Variants in TBC1D9 observed in about 807,000 individuals in gnomAD.
TBC1D9 encodes the protein TBC1 domain family member 9.
TBC1D9 carries 63 observed loss-of-function variants against 132.0 expected under a neutral mutation model. The ratio of observed to expected loss-of-function variants is 0.48; its 90% CI spans 0.39 to 0.59. The LOEUF (loss-of-function observed/expected upper bound fraction) is 0.59. Among genes scored for constraint, TBC1D9 ranks in the 20% least tolerant of loss-of-function variants. TBC1D9 has a pLI of 0.00. For missense variants in TBC1D9, 1,261 were observed against 1,592.7 expected, an observed-to-expected ratio of 0.79 and a Z score of 3.54; for synonymous variants, 610 against 609.9, an observed-to-expected ratio of 1.00 and a Z score of 0.00.
intron 15 of TBC1D9, among the ~76,000 whole-genome samples, chr4:140,636,377 C>T (rs1417003211): frequency 6.6e-6 from 1 of 151,982 alleles, no homozygotes; most frequent in Non-Finnish European, 1.5e-5. Context: ...CAGAAAAATA[C>T]CCAGAAATCG....
Position 140,657,682 on chromosome 4 carries a change from A to G in TBC1D9, c.2052T>C (p.Ser684=), listed in dbSNP as rs1192342268. The change falls in exon 12 of 21, where the codon AGT becomes AGC. Residue 684 remains serine, a synonymous_variant. Transcript: ENST00000442267. The part of the protein sequence containing the change: ...SLSWFLTLFL[S]VMPFESAVVV... ...CAACTGCACTCTCAAAAGGCATCACACTGAGAAATAGTGTGAGGAACCAAG... is the reference window on the plus strand; with the variant it reads ...CAACTGCACTCTCAAAAGGCATCACGCTGAGAAATAGTGTGAGGAACCAAG... 1.2e-6 allele frequency: 2 copies of G among 1,614,020 alleles called. No homozygotes were observed. The highest frequency in any genetic ancestry group is 1.7e-6 in the Non-Finnish European group (2 of 1,179,894).
At chr4:140,687,477 C>T (rs548034623) in intron 2 of TBC1D9, among the ~76,000 whole-genome samples, 14 of 148,146 alleles carry the variant, frequency 9.5e-5, no homozygotes, top group South Asian at 6.5e-4. Context: ...GATTCTCCTT[C>T]GATTTCCAAG....
chr4:140,727,832 A>G lies in TBC1D9; in HGVS notation c.131-26218T>C, dbSNP rs543764447. ...AAAAAAAAAAAGGGGTGGGAATGGC[A>G]TAACACCCATCAAAGTACTACCTGC... is the stretch of plus-strand genomic sequence containing the variant. On this transcript the variant is annotated intron_variant, in intron 1 of 20. Transcript: ENST00000442267. 2.9e-4 allele frequency among the ~76,000 whole-genome samples: 44 copies of G among 152,156 alleles called. 1 individual carries two copies. In the South Asian group the frequency reaches 8.7e-3, roughly 30 times the overall value.
chr4:140,646,582 C>T (rs1014422360), intron 13 of TBC1D9, among the ~76,000 whole-genome samples: 1 of 152,132 alleles, frequency 6.6e-6, no homozygotes, highest in Non-Finnish European at 1.5e-5. Context: ...TCTAAACTAT[C>T]CTATTTCCTA....
chr4:140,704,830 A>G (rs13146721), intron 1 of TBC1D9, among the ~76,000 whole-genome samples: 131,928 of 152,186 alleles, frequency 0.87, 57,329 homozygotes, highest in East Asian at 0.94. Context: ...CTTAAAGCAG[A>G]GCCCCCTGGA....
intron 20 of TBC1D9, 90 bp from the exon 21 acceptor site, chr4:140,623,007 A>G: frequency 7.1e-7 from 1 of 1,399,240 alleles, no homozygotes; most frequent in Non-Finnish European, 9.3e-7. Flanking sequence ...TTAAATGAGA[A>G]CGCCTAAAGA....
chr4:140,661,059 CACCT>C (rs1737351499), intron 10 of TBC1D9, among the ~76,000 whole-genome samples: 1 of 152,082 alleles, frequency 6.6e-6, no homozygotes, highest in African/African-American at 2.4e-5. Context: ...GGACTACAGG[CACCT>C]GCCACCACGC....
intron 13 of TBC1D9, among the ~76,000 whole-genome samples, chr4:140,641,149 T>C (rs1736987407): frequency 6.7e-6 from 1 of 149,266 alleles, no homozygotes; most frequent in South Asian, 2.1e-4. Flanking sequence ...GAGATTCCAT[T>C]TGTATCAAGT....
chr4:140,683,210 T>G (rs1275854600), intron 3 of TBC1D9, among the ~76,000 whole-genome samples: 1 of 152,138 alleles, frequency 6.6e-6, no homozygotes, highest in Non-Finnish European at 1.5e-5. Context: ...AAAATGCTTT[T>G]ATATATGAGA....
chr4:140,732,781 T>C (rs1738615069), intron 1 of TBC1D9, among the ~76,000 whole-genome samples: 1 of 152,176 alleles, frequency 6.6e-6, no homozygotes, highest in South Asian at 2.1e-4. Context: ...AGGGTGATTA[T>C]TTGAATCAGT....
Position 140,678,811 on chromosome 4 carries a change from T to C in TBC1D9, c.851+131A>G, listed in dbSNP as rs1010327592. ...CTGGTAGCACCTCAGCTAGTCTTTT[T>C]TAGTTTTGTATCTATACACAGAAGA... On this transcript the variant is annotated intron_variant, in intron 5 of 20. Transcript: ENST00000442267. 5.2e-6 allele frequency: 6 copies of C among 1,143,222 alleles called. No homozygotes were observed. In the African/African-American group the frequency reaches 9.3e-5, roughly 18 times the overall value. The allele number at this position is 1,143,222 out of a possible 1,614,324, so 70.8% of individuals were successfully genotyped here.
intron 9 of TBC1D9, among the ~76,000 whole-genome samples, chr4:140,666,026 A>G (rs985850777): frequency 8.5e-5 from 13 of 152,186 alleles, no homozygotes; most frequent in Non-Finnish European, 1.5e-4. Context: ...AGCATTATTC[A>G]TAGGAACCAA....
At position 140,624,294 on chromosome 4, in the gene TBC1D9, A is replaced by G; in HGVS notation, c.2974+20T>C. The stretch of plus-strand genomic sequence containing the variant: ...GTACAACCAGCAAGAAGGTAAACAT[A>G]TAGAAGAGAATATCCTTACCTTTGT... On this transcript the variant is annotated intron_variant, in intron 19 of 20. Transcript: ENST00000442267. 5 of 1,613,240 alleles carry G rather than the reference A, an allele frequency of 3.1e-6. No homozygotes were observed. The highest frequency in any genetic ancestry group is 2.2e-5 in the East Asian group (1 of 44,876).
chr4:140,683,505 T>C (rs1737737221), intron 3 of TBC1D9, among the ~76,000 whole-genome samples: 1 of 152,208 alleles, frequency 6.6e-6, no homozygotes. Context: ...TAATATAAAA[T>C]AGGTCATTCC....
Position 140,669,055 on chromosome 4 carries a change from G to A in TBC1D9, c.1450C>T (p.Leu484=), listed in dbSNP as rs544477441. The change falls in exon 9 of 21, where the codon CTG becomes TTG. Residue 484 remains leucine (L), a synonymous_variant. Coordinates refer to ENST00000442267, the MANE Select transcript of TBC1D9 (RefSeq NM_015130.3). Reference sequence around the variant, plus strand: ...TGAATCTTCCAGGCTTGCTCTTTCAGAAACTCTTTGGCCTGAAAGGGATAA... The same window carrying A: ...TGAATCTTCCAGGCTTGCTCTTTCAAAAACTCTTTGGCCTGAAAGGGATAA... ...EFNPKLAKEF[L]KEQAWKIHFA... 6.2e-7 allele frequency: 1 copy of A among 1,613,994 alleles called. No individual in the cohort carries two copies. Among genetic ancestry groups the A allele is most frequent in the Admixed American group, 1.7e-5 (1 of 60,024 alleles).
At chr4:140,709,288 A>ACACC (rs1491197983) in intron 1 of TBC1D9, among the ~76,000 whole-genome samples, 3 of 136,120 alleles carry the variant, frequency 2.2e-5, no homozygotes, top group South Asian at 2.4e-4. Context: ...ACACACACAC[A>ACACC]CCCCAATTCA....
intron 1 of TBC1D9, among the ~76,000 whole-genome samples, chr4:140,719,315 A>G (rs891659950): frequency 3.3e-5 from 5 of 152,178 alleles, no homozygotes; most frequent in Admixed American, 3.3e-4. Flanking sequence ...AACAGATGAC[A>G]TACTGTGTAT....
intron 1 of TBC1D9, among the ~76,000 whole-genome samples, chr4:140,710,925 T>C (rs1054769383): frequency 4.6e-5 from 7 of 152,212 alleles, no homozygotes; most frequent in African/African-American, 1.7e-4. Flanking sequence ...CCAGCGCTTT[T>C]CTAAGTGTAG....
At chr4:140,747,793 C>T (rs1738860725) in intron 1 of TBC1D9, among the ~76,000 whole-genome samples, 1 of 152,142 alleles carries the variant, frequency 6.6e-6, no homozygotes, top group African/African-American at 2.4e-5. Context: ...AATGATGCCA[C>T]CCTTTCCTCT....
Sources: gnomAD v4.1 joint callset for allele counts (sites outside exome capture counted in the v4.1 genomes callset) on GRCh38, gnomAD v4.1.1 for gene constraint, MANE v1.5 for transcripts, NCBI Gene and HGNC (gene_info 2026-07-23, HGNC 2026-07-21) for gene names.